RALYL: variants seen among roughly 807,000 people sequenced by gnomAD.
RALYL encodes the protein RNA-binding Raly-like protein.
Under a neutral mutation model 35.1 loss-of-function variants are expected in RALYL, and 29 were observed. That is an observed-to-expected ratio of 0.83 (90% CI 0.61 to 1.13). RALYL has a LOEUF of 1.13. RALYL is among the 50% of genes most tolerant of loss of function. The pLI is 0.00. For synonymous variants in RALYL, 120 were observed against 127.6 expected (o/e 0.94, Z 0.40); for missense variants, 359 against 360.4 (o/e 1.00, Z 0.03).
At chr8:84,295,563 G>A (rs1286903204) in intron 1 of RALYL, among the ~76,000 whole-genome samples, 1 of 152,074 alleles carries the variant, frequency 6.6e-6, no homozygotes, top group African/African-American at 2.4e-5. Context: ...GCCTCCCAAA[G>A]TGCTGAAATT....
chr8:84,798,639 T>C (rs1462726802), intron 3 of RALYL, among the ~76,000 whole-genome samples: 2 of 152,204 alleles, frequency 1.3e-5, no homozygotes, highest in African/African-American at 4.8e-5. Context: ...GGGCTTGGGT[T>C]GTCATAGCTA....
At chr8:84,405,823 C>CTTTTTTTTT (rs776007226) in intron 1 of RALYL, among the ~76,000 whole-genome samples, 1 of 118,154 alleles carries the variant, frequency 8.5e-6, no homozygotes, top group African/African-American at 3.3e-5. Context: ...TATTTTCATT[C>CTTTTTTTTT]TTTTTTTTTT....
Position 84,887,235 on chromosome 8 carries a change from A to G in RALYL, c.686-369A>G, listed in dbSNP as rs567402481. 2.0e-5 allele frequency among the ~76,000 whole-genome samples: 3 copies of G among 152,114 alleles called. No homozygotes were observed. In the East Asian group the frequency reaches 5.8e-4, roughly 29 times the overall value. On this transcript the variant is annotated intron_variant, in intron 7 of 8. Transcript: ENST00000521268. ...TTCTATGTTGTATCTGATTTTTGCC[A>G]TTTGTTTTTGCTCTATTTTTCCTCT... is the stretch of plus-strand genomic sequence containing the variant.
At chr8:84,671,716 G>C (rs1833280860) in intron 2 of RALYL, among the ~76,000 whole-genome samples, 1 of 152,210 alleles carries the variant, frequency 6.6e-6, no homozygotes, top group African/African-American at 2.4e-5. Flanking sequence ...CAAGTACCAA[G>C]GCTACACACA....
At chr8:84,844,165 A>G (rs1834068088) in intron 4 of RALYL, among the ~76,000 whole-genome samples, 1 of 152,170 alleles carries the variant, frequency 6.6e-6, no homozygotes, top group South Asian at 2.1e-4. Context: ...AGAAACTACC[A>G]TCAGAGTGAA....
chr8:84,255,434 A>G (rs956358668), intron 1 of RALYL, among the ~76,000 whole-genome samples: 2 of 152,172 alleles, frequency 1.3e-5, no homozygotes, highest in Non-Finnish European at 2.9e-5. Context: ...AACATCTCAA[A>G]CCCTTAGAAT....
At chr8:84,314,476 T>C (rs965481324) in intron 1 of RALYL, among the ~76,000 whole-genome samples, 4 of 151,976 alleles carry the variant, frequency 2.6e-5, no homozygotes, top group African/African-American at 9.7e-5. Context: ...TAAAAATATG[T>C]GTATTATATA....
chr8:84,456,542 G>T (rs1386935339), intron 1 of RALYL, among the ~76,000 whole-genome samples: 1 of 150,424 alleles, frequency 6.6e-6, no homozygotes, highest in African/African-American at 2.4e-5. Context: ...TGCTTCTAAA[G>T]AAAAAAAAAG....
chr8:84,849,782 T>C (rs1335696020), intron 4 of RALYL, among the ~76,000 whole-genome samples, 198 bp from the exon 5 acceptor site: 2 of 152,160 alleles, frequency 1.3e-5, no homozygotes, highest in African/African-American at 2.4e-5. Flanking sequence ...AGTCCCTACA[T>C]TGTCAAACAT....
chr8:84,899,607 C>T (rs1028411310), intron 8 of RALYL, among the ~76,000 whole-genome samples: 6 of 152,124 alleles, frequency 3.9e-5, no homozygotes, highest in Admixed American at 1.3e-4. Flanking sequence ...ATAGCTTAAT[C>T]ACTAGGTCAT....
intron 1 of RALYL, among the ~76,000 whole-genome samples, chr8:84,382,798 T>C (rs1256197893): frequency 2.0e-5 from 3 of 151,714 alleles, no homozygotes; most frequent in Non-Finnish European, 4.4e-5. Context: ...TCATTAACTC[T>C]TCATGCTTCA....
chr8:84,555,288 TACACACAC>T (rs111496991), intron 2 of RALYL, among the ~76,000 whole-genome samples: 16 of 150,690 alleles, frequency 1.1e-4, no homozygotes, highest in Admixed American at 4.6e-4. Context: ...AATATATACA[TACACACAC>T]ACACACACAC....
At chr8:84,294,687 C>T (rs1250412774) in intron 1 of RALYL, among the ~76,000 whole-genome samples, 1 of 152,010 alleles carries the variant, frequency 6.6e-6, no homozygotes, top group African/African-American at 2.4e-5. Context: ...AGGTCACCGA[C>T]CTTCACTTGT....
chr8:84,329,361 G>A (rs552417910), intron 1 of RALYL, among the ~76,000 whole-genome samples: 9 of 152,226 alleles, frequency 5.9e-5, no homozygotes, highest in African/African-American at 2.2e-4. Flanking sequence ...GATTAGTGAT[G>A]TAGAATATTT....
At chr8:84,607,920 GTT>G (rs796464854) in intron 2 of RALYL, among the ~76,000 whole-genome samples, 1 of 144,170 alleles carries the variant, frequency 6.9e-6, no homozygotes. Flanking sequence ...AAGCATCTAG[GTT>G]TTTTTTTTTT....
At chr8:84,815,561 T>C (rs1827024565) in intron 4 of RALYL, among the ~76,000 whole-genome samples, 1 of 151,466 alleles carries the variant, frequency 6.6e-6, no homozygotes, top group Non-Finnish European at 1.5e-5. Flanking sequence ...GCAACCTTGT[T>C]TTTTAATGGA....
At chr8:84,323,316 A>G (rs938826057) in intron 1 of RALYL, among the ~76,000 whole-genome samples, 1 of 152,108 alleles carries the variant, frequency 6.6e-6, no homozygotes, top group African/African-American at 2.4e-5. Flanking sequence ...TATGCTGTAC[A>G]TAGAGAACAT....
At chr8:84,581,890 T>C (rs1419888681) in intron 2 of RALYL, among the ~76,000 whole-genome samples, 1 of 152,130 alleles carries the variant, frequency 6.6e-6, no homozygotes, top group African/African-American at 2.4e-5. Context: ...AGTAGTAATT[T>C]ATTCCAAACA....
chr8:84,324,435 A>G (rs1457057512), intron 1 of RALYL, among the ~76,000 whole-genome samples: 2 of 152,020 alleles, frequency 1.3e-5, no homozygotes, highest in East Asian at 1.9e-4. Context: ...CAGTTTCCTC[A>G]TTTAGAACCA....
Sources: gnomAD v4.1 joint callset for allele counts (sites outside exome capture counted in the v4.1 genomes callset) on GRCh38, gnomAD v4.1.1 for gene constraint, MANE v1.5 for transcripts, NCBI Gene and HGNC (gene_info 2026-07-23, HGNC 2026-07-21) for gene names.